Variants in TMCC3 observed in about 807,000 individuals in gnomAD.
The protein encoded by TMCC3 is transmembrane and coiled-coil domain protein 3.
TMCC3 carries 28 observed loss-of-function variants against 40.2 expected under a neutral mutation model. The observed-to-expected ratio is 0.70, with a 90% confidence interval of 0.52 to 0.95. The LOEUF is 0.95. Ranked by LOEUF, TMCC3 falls within the 40% of genes least tolerant of loss-of-function variation. The pLI is 0.00. For missense variants in TMCC3, 554 were observed against 615.2 expected (o/e 0.90, Z 1.05); for synonymous variants, 255 against 248.5 (o/e 1.03, Z -0.25).
At chr12:94,594,875 A>G (rs957849295) in intron 1 of TMCC3, among the ~76,000 whole-genome samples, 2 of 152,184 alleles carry the variant, frequency 1.3e-5, no homozygotes, top group African/African-American at 2.4e-5. Context: ...GATAGTTACA[A>G]ATCCAGCACC....
At chr12:94,618,159 C>T (rs1360238904) in intron 1 of TMCC3, among the ~76,000 whole-genome samples, 2 of 152,224 alleles carry the variant, frequency 1.3e-5, no homozygotes, top group Non-Finnish European at 2.9e-5. Context: ...TTCAGTTCCA[C>T]AGAGCTAAGC....
intron 1 of TMCC3, among the ~76,000 whole-genome samples, chr12:94,590,657 T>C (rs2068668384): frequency 6.6e-6 from 1 of 152,180 alleles, no homozygotes; most frequent in African/African-American, 2.4e-5. Flanking sequence ...GGGAGACCGA[T>C]GTGGGGCTCA....
intron 1 of TMCC3, among the ~76,000 whole-genome samples, chr12:94,627,894 G>A (rs1318808472): frequency 6.6e-6 from 1 of 152,204 alleles, no homozygotes; most frequent in Non-Finnish European, 1.5e-5. Flanking sequence ...ATTCCACAAG[G>A]GTAGGGATTT....
chr12:94,604,466 C>A (rs1025328890), intron 1 of TMCC3, among the ~76,000 whole-genome samples: 18 of 151,976 alleles, frequency 1.2e-4, no homozygotes, highest in African/African-American at 4.1e-4. Context: ...ATGATAAGCT[C>A]TGCCCTAAGA....
rs188487099 is a variant in TMCC3 at position 94,648,380 on chromosome 12, C to T, written c.78+1973G>A. Reference sequence around the variant, plus strand: ...TAGCTGGGATTACAGGCGCCCACCACCACGCCCGGCTAATTTTTGTATTTT... The same window carrying T: ...TAGCTGGGATTACAGGCGCCCACCATCACGCCCGGCTAATTTTTGTATTTT... On this transcript the variant is annotated intron_variant, in intron 1 of 3. Coordinates refer to ENST00000261226, the MANE Select transcript of TMCC3 (RefSeq NM_020698.4). 6.5e-3 allele frequency among the ~76,000 whole-genome samples: 984 copies of T among 152,282 alleles called. 7 individuals carry two copies. The highest frequency in any genetic ancestry group is 0.011 in the Non-Finnish European group (742 of 68,024).
rs555169724 is a variant in TMCC3 at position 94,619,068 on chromosome 12, A to G, written c.78+31285T>C. 5.9e-5 allele frequency among the ~76,000 whole-genome samples: 9 copies of G among 152,292 alleles called. No individual in the cohort carries two copies. The East Asian group carries it at 1.7e-3, about 29-fold the overall frequency. The stretch of plus-strand genomic sequence containing the variant: ...GAGAGGTGCAGAGTCTCAGGGAGAG[A>G]CTACTGAGACGTAATCCTTTCCCTT... On this transcript the variant is annotated intron_variant, in intron 1 of 3. Coordinates refer to ENST00000261226, the MANE Select transcript of TMCC3 (RefSeq NM_020698.4).
rs567756120 is a variant in TMCC3 at position 94,605,717 on chromosome 12, T to C, written c.79-23179A>G. 2.6e-5 allele frequency among the ~76,000 whole-genome samples: 4 copies of C among 152,338 alleles called. 1 individual carries two copies. In the South Asian group the frequency reaches 8.3e-4, roughly 32 times the overall value. ...TTGGTACTTTCCATCGGGGGCTAGA[T>C]AAAGAAGAGCAAAGTTTTCACCTAC... On this transcript the variant is annotated intron_variant, in intron 1 of 3. Coordinates refer to ENST00000261226, the MANE Select transcript of TMCC3 (RefSeq NM_020698.4).
intron 1 of TMCC3, among the ~76,000 whole-genome samples, chr12:94,638,954 TACA>T (rs2068974863): frequency 6.6e-6 from 1 of 152,190 alleles, no homozygotes; most frequent in Non-Finnish European, 1.5e-5. Flanking sequence ...TTCCTTCCAT[TACA>T]ACAAGCCTAC....
intron 1 of TMCC3, among the ~76,000 whole-genome samples, chr12:94,593,372 AG>A (rs1357724134): frequency 5.3e-3 from 133 of 25,124 alleles, no homozygotes; most frequent in East Asian, 0.015. Context: ...AAAAAAAAAA[AG>A]AAAAGAAAAG....
At chr12:94,604,757 T>C (rs1404027635) in intron 1 of TMCC3, among the ~76,000 whole-genome samples, 1 of 142,456 alleles carries the variant, frequency 7.0e-6, no homozygotes, top group African/African-American at 2.6e-5. Context: ...TGGGCCATGA[T>C]TGTGCCATTG....
At chr12:94,639,624 G>A (rs924390554) in intron 1 of TMCC3, among the ~76,000 whole-genome samples, 3 of 145,544 alleles carry the variant, frequency 2.1e-5, no homozygotes, top group Non-Finnish European at 4.5e-5. Flanking sequence ...ACCTCATTTG[G>A]TATACAAGGA....
intron 1 of TMCC3, among the ~76,000 whole-genome samples, chr12:94,594,066 G>A (rs2068699984): frequency 6.6e-6 from 1 of 152,122 alleles, no homozygotes; most frequent in Non-Finnish European, 1.5e-5. Flanking sequence ...CTTCTAAGAG[G>A]AGCAGGGAGT....
intron 1 of TMCC3, among the ~76,000 whole-genome samples, chr12:94,646,877 C>A (rs1303192836): frequency 2.0e-5 from 3 of 151,854 alleles, no homozygotes; most frequent in African/African-American, 7.3e-5. Context: ...CCAGTGGTCA[C>A]CCAGTTAAGA....
intron 1 of TMCC3, among the ~76,000 whole-genome samples, chr12:94,587,259 G>A (rs969393614): frequency 6.6e-6 from 1 of 152,040 alleles, no homozygotes; most frequent in Non-Finnish European, 1.5e-5. Context: ...CTGTTTGGGC[G>A]CTGACATTTA....
chr12:94,590,409 A>C (rs562516510), intron 1 of TMCC3, among the ~76,000 whole-genome samples: 1 of 152,218 alleles, frequency 6.6e-6, no homozygotes, highest in Admixed American at 6.5e-5. Flanking sequence ...TATGAAGATA[A>C]AAAAGCTTAC....
At chr12:94,629,044 C>G (rs184323549) in intron 1 of TMCC3, among the ~76,000 whole-genome samples, 229 of 152,344 alleles carry the variant, frequency 1.5e-3, no homozygotes, top group African/African-American at 5.2e-3. Flanking sequence ...GTTCCTCCCT[C>G]TTCTGCAGCA....
In TMCC3 at chr12:94,581,994, T is replaced by C. The variant is rs762635760; in HGVS notation, c.623A>G (p.Asn208Ser). The change falls in exon 2 of 4, where the codon AAC (asparagine) becomes AGC (serine). Residue 208 changes from asparagine (N) to serine (S), a missense_variant. Transcript: ENST00000261226. The stretch of plus-strand genomic sequence containing the variant: ...GCTGCCAAACTTATTCCGGATCAGG[T>C]TGGCAAACTCTCTGGACTTATTGAA... ...FVFNKSREFANLIRNKFGSAD... is the reference protein window; with the variant it reads ...FVFNKSREFASLIRNKFGSAD... 5 of 1,614,074 alleles carry C rather than the reference T, an allele frequency of 3.1e-6. No homozygotes were observed. Among genetic ancestry groups the C allele is most frequent in the Middle Eastern group, 1.6e-4 (1 of 6,084 alleles).
chr12:94,582,636 C>A lies in TMCC3; in HGVS notation c.79-98G>T, dbSNP rs1241227430. ...CATACAAGATACATACATGAAGTCC[C>A]AGTTTTTCGAACTACAAGTGTCACG... On this transcript the variant is annotated intron_variant, in intron 1 of 3. Transcript: ENST00000261226. 23 of 1,151,928 alleles carry A rather than the reference C, an allele frequency of 2.0e-5. No homozygotes were observed. The African/African-American group carries it at 3.4e-4, about 17-fold the overall frequency. The allele number at this position is 1,151,928 out of a possible 1,614,324, so 71.4% of individuals were successfully genotyped here.
rs970268606 is a variant in TMCC3, at chr12:94,570,770, A to G, written c.*665T>C. The G allele has an allele frequency of 6.5e-6, 1 of 152,754 alleles. No homozygotes were observed. The highest frequency in any genetic ancestry group is 2.4e-5 in the African/African-American group (1 of 41,462). The allele number at this position is 152,754 out of a possible 1,614,324, so 9.5% of individuals were successfully genotyped here. On this transcript the variant is annotated 3_prime_UTR_variant, in exon 4 of 4. Coordinates refer to ENST00000261226, the MANE Select transcript of TMCC3 (RefSeq NM_020698.4). The stretch of plus-strand genomic sequence containing the variant: ...AGGTGTTGGTTGCCTGGGTATGAGA[A>G]GGTGAAAGCCCCATTCATAAATCCC...
Sources: allele counts gnomAD v4.1 joint callset (sites outside exome capture counted in the v4.1 genomes callset), GRCh38; gene constraint gnomAD v4.1.1; transcripts MANE v1.5; gene names NCBI Gene and HGNC (gene_info 2026-07-23, HGNC 2026-07-21).